Variants in PREX2 observed in about 807,000 individuals in gnomAD.
PREX2 encodes phosphatidylinositol-3,4,5-trisphosphate dependent Rac exchange factor 2.
A neutral mutation model predicts 203.2 loss-of-function variants in PREX2; 107 were observed. The ratio of observed to expected loss-of-function variants is 0.53; its 90% confidence interval spans 0.45 to 0.62. The LOEUF (loss-of-function observed/expected upper bound fraction) is 0.62. Ranked by LOEUF, PREX2 falls within the 20% of genes least tolerant of loss-of-function variation. The probability of loss-of-function intolerance (pLI) is 0.00; values close to 1 mark genes in which losing one functional copy is unlikely to be tolerated. For missense variants in PREX2, 1,777 were observed against 1,955.9 expected (o/e 0.91, Z 1.72); for synonymous variants, 672 against 663.6 (o/e 1.01, Z -0.19).
intron 38 of PREX2, among the ~76,000 whole-genome samples, chr8:68,220,721 T>C (rs190163442): frequency 6.6e-6 from 1 of 152,316 alleles, no homozygotes; most frequent in East Asian, 1.9e-4. Flanking sequence ...TACTCATTTT[T>C]GTATCACAGT....
chr8:68,010,684 C>G lies in PREX2; in HGVS notation c.142-7162C>G, dbSNP rs750192385. Among the ~76,000 whole-genome samples the G allele has an allele frequency of 4.6e-5, 7 of 152,180 alleles. No homozygotes were observed. In the South Asian group the frequency reaches 1.4e-3, roughly 32 times the overall value. ...ACTGAGACTTAAAAGCAGCTGGCCTCTCATAAATGCTCACCACAGAGCTGA... is the reference window on the plus strand; with the variant it reads ...ACTGAGACTTAAAAGCAGCTGGCCTGTCATAAATGCTCACCACAGAGCTGA... On this transcript the variant is annotated intron_variant, in intron 1 of 39. Transcript: ENST00000288368.
chr8:68,092,272 A>G (rs1809899623), intron 20 of PREX2, among the ~76,000 whole-genome samples: 1 of 152,206 alleles, frequency 6.6e-6, no homozygotes, highest in Admixed American at 6.5e-5. Flanking sequence ...AATGTGGGAA[A>G]CTAAGCGGTG....
chr8:67,976,599 C>CAG (rs1345898612), intron 1 of PREX2, among the ~76,000 whole-genome samples: 6 of 57,550 alleles, frequency 1.0e-4, no homozygotes, highest in African/African-American at 3.6e-4. Flanking sequence ...GGGAGAGAGA[C>CAG]AGAGAGAGAG....
intron 14 of PREX2, among the ~76,000 whole-genome samples, chr8:68,076,813 G>C (rs1168794424): frequency 6.7e-6 from 1 of 149,922 alleles, no homozygotes; most frequent in Non-Finnish European, 1.5e-5. Flanking sequence ...TGCTTTGGGC[G>C]CTTTTGTTGG....
intron 1 of PREX2, among the ~76,000 whole-genome samples, chr8:67,978,618 A>G (rs941728062): frequency 2.0e-5 from 3 of 152,204 alleles, no homozygotes; most frequent in South Asian, 2.1e-4. Flanking sequence ...CTTGGTGGAT[A>G]TTTGGGTAGT....
chr8:68,041,305 C>T (rs374508992), intron 7 of PREX2, among the ~76,000 whole-genome samples: 2 of 152,210 alleles, frequency 1.3e-5, no homozygotes, highest in African/African-American at 2.4e-5. Flanking sequence ...AGTTATTCTT[C>T]GTCTCTTATA....
intron 20 of PREX2, among the ~76,000 whole-genome samples, chr8:68,091,460 G>A (rs1809871627): frequency 6.6e-6 from 1 of 152,148 alleles, no homozygotes. Flanking sequence ...TTCCTGTCAT[G>A]GATAATGAAG....
intron 1 of PREX2, among the ~76,000 whole-genome samples, chr8:67,966,973 C>A (rs971439464): frequency 1.3e-5 from 2 of 152,156 alleles, no homozygotes; most frequent in African/African-American, 2.4e-5. Flanking sequence ...GATGTATTAG[C>A]TAGTCTAAGT....
chr8:68,174,992 G>A (rs1484439435), intron 35 of PREX2, among the ~76,000 whole-genome samples: 3 of 152,150 alleles, frequency 2.0e-5, no homozygotes, highest in Non-Finnish European at 2.9e-5. Context: ...GAGATGAACC[G>A]GACAATATGC....
intron 35 of PREX2, among the ~76,000 whole-genome samples, chr8:68,186,343 C>A (rs568316285): frequency 3.3e-4 from 50 of 152,252 alleles, no homozygotes; most frequent in African/African-American, 1.1e-3. Context: ...CATGGATTAA[C>A]AAATCTTAAC....
Position 68,038,389 on chromosome 8 carries a change from C to T in PREX2, c.839+97C>T. ...TCATCTATCCAGCTCACAGTTTCTA[C>T]CTTTCTCTCTGTGCTTCCCAGAGCC... On this transcript the variant is annotated intron_variant, in intron 7 of 39. Transcript: ENST00000288368. The T allele has an allele frequency of 4.7e-6, 6 of 1,280,522 alleles. No homozygotes were observed. In the Admixed American group the frequency reaches 1.2e-4, roughly 27 times the overall value. 79.3% of individuals were successfully genotyped at this position (1,280,522 alleles called of 1,614,324 possible).
chr8:68,103,684 A>G (rs1281385855), intron 23 of PREX2: 6 of 519,316 alleles, frequency 1.2e-5, no homozygotes, highest in Non-Finnish European at 2.3e-5. Flanking sequence ...TCTATTGACT[A>G]TCCTGATAGC....
chr8:68,093,390 CAAAAAAAAA>C (rs56001927), intron 20 of PREX2, among the ~76,000 whole-genome samples: 44 of 81,494 alleles, frequency 5.4e-4, no homozygotes, highest in African/African-American at 1.9e-3. Flanking sequence ...AACTCCATCT[CAAAAAAAAA>C]AAAAAAAAAA....
chr8:67,952,541 T>G lies in PREX2; in HGVS notation c.141+6T>G. The G allele has an allele frequency of 6.2e-7, 1 of 1,608,246 alleles. No individual in the cohort carries two copies. Among genetic ancestry groups the G allele is most frequent in the Non-Finnish European group, 8.5e-7 (1 of 1,177,442 alleles). ...CGCTGGAGTTCCTGGTGTCGGTGAG[T>G]GTCCCCGGCAGACGCAGGGGGACGT... On this transcript the variant is annotated splice_donor_region_variant and intron_variant, in intron 1 of 39. Coordinates refer to ENST00000288368, the MANE Select transcript of PREX2 (RefSeq NM_024870.4).
intron 23 of PREX2, among the ~76,000 whole-genome samples, chr8:68,106,595 A>G (rs12547755): frequency 1.3e-5 from 2 of 152,074 alleles, no homozygotes; most frequent in Admixed American, 1.3e-4. Context: ...ATGCGTATGT[A>G]TATATATCAC....
At chr8:68,000,241 T>C (rs1401907613) in intron 1 of PREX2, among the ~76,000 whole-genome samples, 1 of 152,196 alleles carries the variant, frequency 6.6e-6, no homozygotes, top group African/African-American at 2.4e-5. Flanking sequence ...TAAACAATTT[T>C]AGCAAAGTCT....
chr8:68,115,021 C>CTTTTTT (rs5892137), intron 25 of PREX2, among the ~76,000 whole-genome samples: 424 of 86,638 alleles, frequency 4.9e-3, no homozygotes, highest in Middle Eastern at 9.3e-3. Flanking sequence ...TCTTTTCTTT[C>CTTTTTT]TTTTTTTTTT....
At chr8:68,122,606 T>C (rs1810799428) in intron 30 of PREX2, among the ~76,000 whole-genome samples, 1 of 152,038 alleles carries the variant, frequency 6.6e-6, no homozygotes, top group Admixed American at 6.6e-5. Context: ...TTTATATTTG[T>C]TTTAAGGTAA....
intron 38 of PREX2, among the ~76,000 whole-genome samples, chr8:68,219,881 T>C (rs1812920385): frequency 6.6e-6 from 1 of 152,230 alleles, no homozygotes; most frequent in Non-Finnish European, 1.5e-5. Context: ...GGGTTTTCTC[T>C]CCTTTTTACC....
Sources: allele counts gnomAD v4.1 joint callset (sites outside exome capture counted in the v4.1 genomes callset), GRCh38; gene constraint gnomAD v4.1.1; transcripts MANE v1.5; gene names NCBI Gene and HGNC (gene_info 2026-07-23, HGNC 2026-07-21).